Variants in DIPK1A observed in about 807,000 individuals in gnomAD.
DIPK1A encodes family with sequence similarity 69 member A.
Under a neutral mutation model 40.8 loss-of-function variants are expected in DIPK1A, and 27 were observed. The observed-to-expected ratio is 0.66, with a 90% CI of 0.49 to 0.91. The LOEUF (loss-of-function observed/expected upper bound fraction) is 0.91. DIPK1A is among the 40% of genes least tolerant of loss of function. The pLI is 0.00. For missense variants in DIPK1A, 412 were observed against 505.7 expected (o/e 0.81, Z 1.78); for synonymous variants, 166 against 171.3 (o/e 0.97, Z 0.24).
At chr1:92,833,438 T>C in intron 4 of DIPK1A, 10 of 1,614,090 alleles carry the variant, frequency 6.2e-6, no homozygotes, top group Non-Finnish European at 8.5e-6. Context: ...AGATACCAAG[T>C]GAAATTTAGA....
intron 1 of DIPK1A, among the ~76,000 whole-genome samples, chr1:92,910,892 T>C (rs911012789): frequency 2.0e-5 from 3 of 151,950 alleles, no homozygotes; most frequent in African/African-American, 2.4e-5. Flanking sequence ...ATGTCTCCAC[T>C]ATTACAGTCA....
At chr1:92,926,525 A>G (rs908467414) in intron 1 of DIPK1A, among the ~76,000 whole-genome samples, 17 of 152,164 alleles carry the variant, frequency 1.1e-4, no homozygotes, top group African/African-American at 3.9e-4. Flanking sequence ...AACTGGGGCA[A>G]GCTGGTTAAC....
Position 92,843,716 on chromosome 1 carries a change from T to A in DIPK1A, c.954A>T (p.Pro318=). The change falls in exon 5 of 5, where the codon CCA becomes CCT. Residue 318 remains proline (P), a synonymous_variant. Coordinates refer to ENST00000370310, the MANE Select transcript of DIPK1A (RefSeq NM_001006605.5). ...LKMVDMRKIV[P]ETNLKELIKD... ...TAATAAGTTCTTTCAGGTTTGTCTC[T>A]GGCACAATTTTTCTCATATCCACCA... is the stretch of plus-strand genomic sequence containing the variant. 1.3e-6 allele frequency: 2 copies of A among 1,551,800 alleles called. No homozygotes were observed. The highest frequency in any genetic ancestry group is 1.7e-6 in the Non-Finnish European group (2 of 1,146,996).
At chr1:92,877,398 T>C (rs1337984188) in intron 1 of DIPK1A, among the ~76,000 whole-genome samples, 3 of 152,242 alleles carry the variant, frequency 2.0e-5, no homozygotes, top group Non-Finnish European at 2.9e-5. Context: ...GTTTTGCTTT[T>C]ACAATCACGA....
At chr1:92,957,976 C>T (rs1339838941) in intron 1 of DIPK1A, among the ~76,000 whole-genome samples, 1 of 152,238 alleles carries the variant, frequency 6.6e-6, no homozygotes, top group East Asian at 1.9e-4. Context: ...TGAAATAATA[C>T]GTGATCTTTT....
intron 1 of DIPK1A, among the ~76,000 whole-genome samples, chr1:92,887,848 G>A (rs1014522762): frequency 3.3e-5 from 5 of 152,166 alleles, no homozygotes; most frequent in African/African-American, 1.2e-4. Flanking sequence ...GGAGAAGCAG[G>A]CTTTGAATGG....
At chr1:92,851,574 A>T (rs75384550) in intron 2 of DIPK1A, among the ~76,000 whole-genome samples, 6 of 22,728 alleles carry the variant, frequency 2.6e-4, no homozygotes, top group African/African-American at 6.4e-4. Context: ...TTCTGGTTTT[A>T]AAATAAATAA....
At chr1:92,861,254 A>C (rs1647255730) in intron 2 of DIPK1A, among the ~76,000 whole-genome samples, 2 of 146,138 alleles carry the variant, frequency 1.4e-5, no homozygotes, top group Non-Finnish European at 3.0e-5. Context: ...CTAAGAATTG[A>C]TTGAATTTTG....
At chr1:92,833,321 GTTAAT>G (rs1686986754) in intron 4 of DIPK1A, 1 of 1,271,744 alleles carries the variant, frequency 7.9e-7, no homozygotes, top group African/African-American at 1.5e-5. Context: ...TTGTTACATG[GTTAAT>G]TTATGTCAAA....
chr1:92,847,389 T>C, intron 3 of DIPK1A, 30 bp from the exon 4 acceptor site: 5 of 1,451,236 alleles, frequency 3.4e-6, no homozygotes, highest in East Asian at 4.8e-5. Flanking sequence ...AAGTTATGTA[T>C]TATACTGAGT....
intron 1 of DIPK1A, among the ~76,000 whole-genome samples, chr1:92,906,542 A>G (rs1184823773): frequency 6.6e-6 from 1 of 152,206 alleles, no homozygotes; most frequent in Non-Finnish European, 1.5e-5. Flanking sequence ...AATCATGGAC[A>G]AAATATATAT....
At chr1:92,928,930 C>A (rs1300495211) in intron 1 of DIPK1A, among the ~76,000 whole-genome samples, 1 of 151,978 alleles carries the variant, frequency 6.6e-6, no homozygotes, top group East Asian at 1.9e-4. Flanking sequence ...CCACTGAACT[C>A]CAGCCTGGGC....
chr1:92,866,523 G>A (rs758956946), intron 2 of DIPK1A, among the ~76,000 whole-genome samples: 1 of 152,024 alleles, frequency 6.6e-6, no homozygotes, highest in African/African-American at 2.4e-5. Flanking sequence ...ACTATTTACC[G>A]TACAAACTAA....
chr1:92,945,235 A>G (rs971472728), intron 1 of DIPK1A, among the ~76,000 whole-genome samples: 1 of 152,148 alleles, frequency 6.6e-6, no homozygotes, highest in Non-Finnish European at 1.5e-5. Context: ...AAATAAGGCT[A>G]TGATAAAGGA....
rs1359323240 is a variant in DIPK1A at position 92,961,456 on chromosome 1, T to G, written c.-27A>C. The G allele has an allele frequency of 6.8e-7, 1 of 1,467,694 alleles. No homozygotes were observed. The highest frequency in any genetic ancestry group is 1.2e-5 in the South Asian group (1 of 80,240). The allele number at this position is 1,467,694 out of a possible 1,614,324, so 90.9% of individuals were successfully genotyped here. On this transcript the variant is annotated 5_prime_UTR_variant, in exon 1 of 5. Coordinates refer to ENST00000370310, the MANE Select transcript of DIPK1A (RefSeq NM_001006605.5). Reference sequence around the variant, plus strand: ...GTAATCACACATCGCCCCGCCGCGCTGCAGTCAGAGGCGGACCCGAGCGCT... The same window carrying G: ...GTAATCACACATCGCCCCGCCGCGCGGCAGTCAGAGGCGGACCCGAGCGCT...
chr1:92,924,873 C>T (rs1032695618), intron 1 of DIPK1A, among the ~76,000 whole-genome samples: 6 of 152,218 alleles, frequency 3.9e-5, no homozygotes, highest in Non-Finnish European at 5.9e-5. Context: ...GCTCCCTGCA[C>T]TTGCCTTGTT....
chr1:92,950,194 T>G (rs1330214474), intron 1 of DIPK1A, among the ~76,000 whole-genome samples: 1 of 151,860 alleles, frequency 6.6e-6, no homozygotes, highest in Non-Finnish European at 1.5e-5. Context: ...ACCAGATGAA[T>G]GGGTATGGAG....
rs1224017694 is a variant in DIPK1A at position 92,898,974 on chromosome 1, G to A, written c.55-22544C>T. Among the ~76,000 whole-genome samples, 3 of 152,070 alleles carry A rather than the reference G, an allele frequency of 2.0e-5. No homozygotes were observed. The East Asian group carries it at 5.8e-4, about 29-fold the overall frequency. On this transcript the variant is annotated intron_variant, in intron 1 of 4. Transcript: ENST00000370310. ...GTATAGACGGGGGTCACCCTATGTT[G>A]CCCAGGCTAACCTCAAACTCCTGGA...
At chr1:92,897,756 T>A (rs1649236788) in intron 1 of DIPK1A, among the ~76,000 whole-genome samples, 1 of 152,130 alleles carries the variant, frequency 6.6e-6, no homozygotes, top group Non-Finnish European at 1.5e-5. Flanking sequence ...GTTCCTTTTT[T>A]TTTTTTTAAA....
Sources: allele counts gnomAD v4.1 joint callset (sites outside exome capture counted in the v4.1 genomes callset), GRCh38; gene constraint gnomAD v4.1.1; transcripts MANE v1.5; gene names NCBI Gene and HGNC (gene_info 2026-07-23, HGNC 2026-07-21).